Variants in ANKRD6 observed in about 807,000 individuals in gnomAD.
ANKRD6 encodes the protein ankyrin repeat domain-containing protein 6.
In ANKRD6, 56 loss-of-function variants were observed where a neutral mutation model predicts 82.3. The observed-to-expected ratio is 0.68, with a 90% CI of 0.55 to 0.85. The LOEUF (loss-of-function observed/expected upper bound fraction) is 0.85. Among genes scored for constraint, ANKRD6 ranks in the 40% least tolerant of loss-of-function variants. The pLI is 0.00. For missense variants in ANKRD6, 852 were observed against 907.6 expected (o/e 0.94, Z 0.79); for synonymous variants, 347 against 352.1 (o/e 0.99, Z 0.16).
chr6:89,590,346 G>T (rs1274647422), intron 2 of ANKRD6, among the ~76,000 whole-genome samples: 1 of 152,120 alleles, frequency 6.6e-6, no homozygotes, highest in Non-Finnish European at 1.5e-5. Flanking sequence ...CCATCCTGTG[G>T]TTCTCAACAA....
intron 1 of ANKRD6, among the ~76,000 whole-genome samples, chr6:89,440,718 C>A (rs1771264206): frequency 6.6e-6 from 1 of 151,892 alleles, no homozygotes; most frequent in African/African-American, 2.4e-5. Context: ...TCGCTTGAGC[C>A]CAGGAGTTTG....
intron 1 of ANKRD6, among the ~76,000 whole-genome samples, chr6:89,447,657 A>G (rs1772257743): frequency 6.6e-6 from 1 of 152,178 alleles, no homozygotes; most frequent in Admixed American, 6.5e-5. Context: ...ACAGCCTTCT[A>G]CTGGAAGGAG....
At chr6:89,538,710 G>A (rs1784140956) in intron 1 of ANKRD6, among the ~76,000 whole-genome samples, 1 of 152,156 alleles carries the variant, frequency 6.6e-6, no homozygotes, top group Non-Finnish European at 1.5e-5. Flanking sequence ...ATGGTGGGAA[G>A]TATGGTTATC....
intron 3 of ANKRD6, chr6:89,602,759 T>A: frequency 2.3e-6 from 1 of 433,750 alleles, no homozygotes; most frequent in Non-Finnish European, 4.2e-6. Context: ...GACCCTCATT[T>A]TGAGGTTGGC....
intron 2 of ANKRD6, among the ~76,000 whole-genome samples, chr6:89,570,063 A>ATGTGTGTGTG (rs10651458): frequency 0.035 from 5,155 of 148,832 alleles, 170 homozygotes; most frequent in African/African-American, 0.087. Context: ...ATGTGTGTAT[A>ATGTGTGTGTG]TGTGTGTGTG....
intron 1 of ANKRD6, among the ~76,000 whole-genome samples, chr6:89,555,063 C>A (rs546017312): frequency 2.6e-5 from 3 of 117,150 alleles, no homozygotes; most frequent in Non-Finnish European, 5.4e-5. Flanking sequence ...CTCCTCCCCC[C>A]CTTCTCTTCT....
intron 1 of ANKRD6, chr6:89,560,876 A>G (rs1562817250): frequency 6.6e-6 from 1 of 152,250 alleles, no homozygotes; most frequent in African/African-American, 2.4e-5. Flanking sequence ...GGGAATGGTC[A>G]TCTTGTCTAG....
At chr6:89,540,173 C>T (rs1453569597) in intron 1 of ANKRD6, among the ~76,000 whole-genome samples, 5 of 152,102 alleles carry the variant, frequency 3.3e-5, no homozygotes, top group African/African-American at 7.2e-5. Flanking sequence ...TGGATCATAT[C>T]GTAGCTCAAT....
At position 89,433,841 on chromosome 6, in the gene ANKRD6, AG is replaced by A. The variant is rs1050342959; in HGVS notation, c.-144+470del. ...CAGCACTAGGGTGCAGTCGCAGGAG[AG>A]GGGCCGATACCCCTCAGGAGCCCCA... is the stretch of plus-strand genomic sequence containing the variant. On this transcript the variant is annotated intron_variant, in intron 1 of 15. Transcript: ENST00000339746. This position sits in a 1 kb window ranked among gnomAD's most constrained non-coding sequence, Gnocchi z 4.3. Among the ~76,000 whole-genome samples the A allele has an allele frequency of 6.6e-6, 1 of 152,102 alleles. No homozygotes were observed. The highest frequency in any genetic ancestry group is 1.5e-5 in the Non-Finnish European group (1 of 67,996).
intron 1 of ANKRD6, among the ~76,000 whole-genome samples, chr6:89,549,793 G>A (rs989636534): frequency 6.6e-5 from 10 of 152,084 alleles, no homozygotes; most frequent in African/African-American, 2.2e-4. Flanking sequence ...CAAACAGACT[G>A]ATGGGTACAT....
intron 1 of ANKRD6, among the ~76,000 whole-genome samples, chr6:89,456,742 C>T (rs532706042): frequency 2.6e-5 from 4 of 152,082 alleles, no homozygotes; most frequent in African/African-American, 9.7e-5. Context: ...TAAATTATGG[C>T]CACAGAAATT....
Position 89,630,457 on chromosome 6 carries a change from C to T in ANKRD6, c.1637C>T (p.Ala546Val). Residue 546 changes from alanine to valine, a missense_variant, in exon 16 of 16, where the codon GCA (alanine) becomes GTA (valine). Coordinates refer to ENST00000339746, the MANE Select transcript of ANKRD6 (RefSeq NM_001242809.2). ...STGVDQLVVT[A>V]GPAAASDSSP... ...GGTGTGGACCAATTAGTGGTGACTG[C>T]AGGTCCAGCAGCAGCTTCCGACAGC... 1 of 1,613,016 alleles carries T rather than the reference C, an allele frequency of 6.2e-7. No homozygotes were observed. Among genetic ancestry groups the T allele is most frequent in the Non-Finnish European group, 8.5e-7 (1 of 1,179,412 alleles).
intron 1 of ANKRD6, among the ~76,000 whole-genome samples, chr6:89,438,272 G>A (rs1770896179): frequency 6.6e-6 from 1 of 152,196 alleles, no homozygotes. Context: ...CAGCTCTCCT[G>A]GGTAGCTGTC....
intron 10 of ANKRD6, among the ~76,000 whole-genome samples, chr6:89,623,019 G>GA (rs1446307375): frequency 1.7e-4 from 22 of 126,416 alleles, no homozygotes; most frequent in Admixed American, 7.7e-4. Flanking sequence ...GGGGAGTGGG[G>GA]GGTGGGGGGG....
Position 89,433,267 on chromosome 6 carries a change from C to T in ANKRD6, c.-252C>T, listed in dbSNP as rs954101190. The T allele has an allele frequency of 2.0e-5, 3 of 151,942 alleles. No homozygotes were observed. Among genetic ancestry groups the T allele is most frequent in the Admixed American group, 1.3e-4 (2 of 15,242 alleles). 9.4% of individuals were successfully genotyped at this position (151,942 alleles called of 1,614,324 possible). A position where few individuals can be genotyped will look rare whatever the true frequency, so the allele number is the denominator to read the frequency against. ...CACGGCGCTGGGCGGCGCCGAGGCCCTGGGGCCGCCGGAGCCAGCGGGAGC... is the reference window on the plus strand; with the variant it reads ...CACGGCGCTGGGCGGCGCCGAGGCCTTGGGGCCGCCGGAGCCAGCGGGAGC... On this transcript the variant is annotated 5_prime_UTR_variant, in exon 1 of 16. Coordinates refer to ENST00000339746, the MANE Select transcript of ANKRD6 (RefSeq NM_001242809.2). The surrounding 1 kb of genome is among the most constrained non-coding windows in gnomAD (Gnocchi z 4.3).
intron 1 of ANKRD6, among the ~76,000 whole-genome samples, chr6:89,519,548 C>T (rs984621557): frequency 1.3e-5 from 2 of 152,166 alleles, no homozygotes; most frequent in Admixed American, 6.5e-5. Context: ...TGAGTTTGGT[C>T]TTAGATCTGA....
chr6:89,493,393 T>TAA (rs1778234221), intron 1 of ANKRD6, among the ~76,000 whole-genome samples: 1 of 152,050 alleles, frequency 6.6e-6, no homozygotes, highest in South Asian at 2.1e-4. Flanking sequence ...TCTCACTCTC[T>TAA]CTCTCCCTCT....
chr6:89,560,536 G>C (rs1370094882), intron 1 of ANKRD6, among the ~76,000 whole-genome samples: 1 of 152,192 alleles, frequency 6.6e-6, no homozygotes, highest in African/African-American at 2.4e-5. Context: ...GAAAACTGTA[G>C]GTGCTGGCTG....
At chr6:89,462,289 A>G (rs1356806727) in intron 1 of ANKRD6, among the ~76,000 whole-genome samples, 1 of 150,378 alleles carries the variant, frequency 6.6e-6, no homozygotes, top group Non-Finnish European at 1.5e-5. Flanking sequence ...AATAAAAATG[A>G]AGGAAGTTTA....
Sources: gnomAD v4.1 joint callset for allele counts (sites outside exome capture counted in the v4.1 genomes callset) on GRCh38, gnomAD v4.1.1 for gene constraint, Gnocchi (gnomAD v3.1) non-coding constraint, MANE v1.5 for transcripts, NCBI Gene and HGNC (gene_info 2026-07-23, HGNC 2026-07-21) for gene names.